NTM: variants seen among roughly 807,000 people sequenced by gnomAD.
NTM encodes neurotrimin.
In NTM, 13 loss-of-function variants were observed where a neutral mutation model predicts 42.1. That is an observed-to-expected ratio of 0.31 (90% CI 0.20 to 0.49). The LOEUF (loss-of-function observed/expected upper bound fraction) is 0.49, where lower values mean the gene tolerates loss of function less well. Among genes scored for constraint, NTM ranks in the 20% least tolerant of loss-of-function variants. NTM has a pLI of 0.99. For missense variants in NTM, 373 were observed against 452.8 expected, an observed-to-expected ratio of 0.82 and a Z score of 1.60; for synonymous variants, 187 against 179.2, an observed-to-expected ratio of 1.04 and a Z score of -0.35.
intron 3 of NTM, among the ~76,000 whole-genome samples, chr11:132,162,355 TGTG>T (rs903704079): frequency 6.7e-6 from 1 of 148,752 alleles, no homozygotes; most frequent in South Asian, 2.2e-4. Flanking sequence ...TTGTGGGGCA[TGTG>T]GGGGGGACTG....
At chr11:132,246,308 C>T (rs1482031618) in intron 4 of NTM, among the ~76,000 whole-genome samples, 2 of 152,240 alleles carry the variant, frequency 1.3e-5, no homozygotes, top group East Asian at 1.9e-4. Flanking sequence ...CCGACACAAT[C>T]GCACAGTGAA....
chr11:131,895,948 G>A (rs953845544), intron 1 of NTM, among the ~76,000 whole-genome samples: 1 of 152,162 alleles, frequency 6.6e-6, no homozygotes, highest in African/African-American at 2.4e-5. Flanking sequence ...AGGTTGATTG[G>A]GTCCTAGGAT....
chr11:132,067,492 G>C (rs541627517), intron 2 of NTM, among the ~76,000 whole-genome samples: 46 of 152,314 alleles, frequency 3.0e-4, no homozygotes, highest in South Asian at 2.7e-3. Context: ...CCAAGGTAAA[G>C]TTTCTGTTCA....
chr11:131,703,924 C>G (rs890930370), intron 1 of NTM, among the ~76,000 whole-genome samples: 1 of 152,156 alleles, frequency 6.6e-6, no homozygotes, highest in Non-Finnish European at 1.5e-5. Flanking sequence ...AGACCCACTT[C>G]CATACCAAGC....
At chr11:132,031,826 G>C (rs989558672) in intron 2 of NTM, among the ~76,000 whole-genome samples, 1 of 152,080 alleles carries the variant, frequency 6.6e-6, no homozygotes, top group Non-Finnish European at 1.5e-5. Flanking sequence ...CAGTGAGAGA[G>C]CATGATTTAT....
chr11:131,643,561 G>A (rs145064274), intron 1 of NTM, among the ~76,000 whole-genome samples: 31 of 152,216 alleles, frequency 2.0e-4, no homozygotes, highest in South Asian at 6.2e-4. Context: ...CTCTCGTGTC[G>A]CACAGAAGCT....
At chr11:131,766,972 C>CT (rs1166505240) in intron 1 of NTM, 1 of 169,550 alleles carries the variant, frequency 5.9e-6, no homozygotes, top group Non-Finnish European at 1.2e-5. Flanking sequence ...ACAACCATAT[C>CT]TTTTTTGCTT....
At chr11:131,701,830 T>C (rs1486610794) in intron 1 of NTM, among the ~76,000 whole-genome samples, 1 of 151,852 alleles carries the variant, frequency 6.6e-6, no homozygotes, top group African/African-American at 2.4e-5. Flanking sequence ...GAAATAGGGG[T>C]GGAGGGGTAG....
rs533848615 is a variant in NTM at position 131,911,212 on chromosome 11, T to C, written c.83-352T>C. 2.6e-5 allele frequency: 36 copies of C among 1,385,296 alleles called. No individual in the cohort carries two copies. In the East Asian group the frequency reaches 7.6e-4, roughly 29 times the overall value. 85.8% of individuals were successfully genotyped at this position (1,385,296 alleles called of 1,614,324 possible). A position where few individuals can be genotyped will look rare whatever the true frequency, so the allele number is the denominator to read the frequency against. ...GCGCGCTTCCCCCTCCTCGGCCACC[T>C]TCCCGGCGGAAGCAGCGAGGAGGGA... On this transcript the variant is annotated intron_variant, in intron 1 of 8. Transcript: ENST00000683400.
At chr11:131,584,650 C>T (rs2058699040) in intron 1 of NTM, among the ~76,000 whole-genome samples, 1 of 152,146 alleles carries the variant, frequency 6.6e-6, no homozygotes, top group Non-Finnish European at 1.5e-5. Context: ...TGTAAATACC[C>T]AAATTTGTTA....
chr11:132,042,474 G>C (rs976999965), intron 2 of NTM, among the ~76,000 whole-genome samples: 1 of 152,186 alleles, frequency 6.6e-6, no homozygotes, highest in African/African-American at 2.4e-5. Flanking sequence ...CAATGTCCCA[G>C]ATGCTGGGAT....
intron 1 of NTM, among the ~76,000 whole-genome samples, chr11:131,665,254 C>T (rs2068836571): frequency 6.6e-6 from 1 of 152,130 alleles, no homozygotes; most frequent in Non-Finnish European, 1.5e-5. Context: ...CCTTTTTGTA[C>T]TACAGGGTAA....
chr11:132,064,701 C>G (rs983908421), intron 2 of NTM, among the ~76,000 whole-genome samples: 4 of 152,166 alleles, frequency 2.6e-5, no homozygotes. Flanking sequence ...GCAGAGAAGA[C>G]TAACTGATCT....
At chr11:131,619,762 C>T (rs2062331248) in intron 1 of NTM, among the ~76,000 whole-genome samples, 1 of 151,446 alleles carries the variant, frequency 6.6e-6, no homozygotes. Flanking sequence ...AGATAAGTCA[C>T]CCAGTAAAAT....
intron 1 of NTM, among the ~76,000 whole-genome samples, chr11:131,580,341 C>T (rs752373499): frequency 3.3e-5 from 5 of 152,116 alleles, no homozygotes; most frequent in East Asian, 1.9e-4. Context: ...AGCCACATTA[C>T]GGTATATGGC....
intron 2 of NTM, among the ~76,000 whole-genome samples, chr11:132,052,418 T>C (rs2078980846): frequency 1.3e-5 from 2 of 152,208 alleles, no homozygotes; most frequent in Admixed American, 1.3e-4. Context: ...TTGGCATTCA[T>C]AGTGTAAATG....
chr11:131,821,752 T>A (rs1367824888), intron 1 of NTM, among the ~76,000 whole-genome samples: 2 of 152,216 alleles, frequency 1.3e-5, no homozygotes, highest in African/African-American at 2.4e-5. Context: ...ATGCCCCCAC[T>A]GACTCTCTTT....
intron 2 of NTM, among the ~76,000 whole-genome samples, chr11:132,008,242 C>G (rs2071264870): frequency 6.6e-6 from 1 of 152,116 alleles, no homozygotes; most frequent in Non-Finnish European, 1.5e-5. Flanking sequence ...TGGGATGCAT[C>G]TCTTTGGACA....
At chr11:131,583,858 A>C (rs1237760753) in intron 1 of NTM, among the ~76,000 whole-genome samples, 1 of 152,106 alleles carries the variant, frequency 6.6e-6, no homozygotes, top group Non-Finnish European at 1.5e-5. Context: ...CCATAGATGA[A>C]CCCCTGAGAA....
Sources: gnomAD v4.1 joint callset for allele counts (sites outside exome capture counted in the v4.1 genomes callset) on GRCh38, gnomAD v4.1.1 for gene constraint, MANE v1.5 for transcripts, NCBI Gene and HGNC (gene_info 2026-07-23, HGNC 2026-07-21) for gene names.